N4BP2: variants seen among roughly 807,000 people sequenced by gnomAD.
N4BP2 encodes the protein NEDD4 binding protein 2.
In N4BP2, 91 loss-of-function variants were observed where a neutral mutation model predicts 152.8. The ratio of observed to expected loss-of-function variants is 0.60; its 90% CI spans 0.50 to 0.71. The LOEUF (loss-of-function observed/expected upper bound fraction) is 0.71. N4BP2 is among the 30% of genes least tolerant of loss of function. The pLI, the probability that N4BP2 is intolerant of heterozygous loss-of-function variation, is 0.00. For synonymous variants in N4BP2, 646 were observed against 705.3 expected (o/e 0.92, Z 1.33); for missense variants, 1,923 against 2,059.1 (o/e 0.93, Z 1.28).
At chr4:40,109,901 C>G (rs1038109115) in intron 5 of N4BP2, among the ~76,000 whole-genome samples, 1 of 152,094 alleles carries the variant, frequency 6.6e-6, no homozygotes, top group African/African-American at 2.4e-5. Flanking sequence ...GCTGTGCATT[C>G]GTTAATACAC....
intron 16 of N4BP2, among the ~76,000 whole-genome samples, chr4:40,147,771 A>T (rs978603558): frequency 8.7e-5 from 13 of 149,572 alleles, no homozygotes; most frequent in Middle Eastern, 3.6e-3. Context: ...CACTTCTCAG[A>T]TGGGGCGGCT....
chr4:40,101,070 G>T lies in N4BP2; in HGVS notation c.230-1005G>T, dbSNP rs577891132. Among the ~76,000 whole-genome samples, 147 of 152,260 alleles carry T rather than the reference G, an allele frequency of 9.7e-4. 1 individual carries two copies. Among genetic ancestry groups the T allele is most frequent in the African/African-American group, 3.3e-3 (138 of 41,548 alleles). ...GTTACTTTTTAATCTTCAAGTCCCAGTTCACATATCACCTTATGTGAGATC... is the reference window on the plus strand; with the variant it reads ...GTTACTTTTTAATCTTCAAGTCCCATTTCACATATCACCTTATGTGAGATC... On this transcript the variant is annotated intron_variant, in intron 3 of 17. Coordinates refer to ENST00000261435, the MANE Select transcript of N4BP2 (RefSeq NM_018177.6).
intron 4 of N4BP2, among the ~76,000 whole-genome samples, chr4:40,104,839 C>T (rs1461021473): frequency 1.3e-5 from 2 of 149,446 alleles, no homozygotes; most frequent in East Asian, 4.0e-4. Flanking sequence ...GAGTCTTGCT[C>T]TGTCGCCCAG....
Position 40,126,253 on chromosome 4 carries a change from T to C in N4BP2, c.4450T>C (p.Trp1484Arg), listed in dbSNP as rs543088698. 4 of 1,603,712 alleles carry C rather than the reference T, an allele frequency of 2.5e-6. No individual in the cohort carries two copies. The South Asian group carries it at 4.5e-5, about 18-fold the overall frequency. ...TGAAATGCTACCTTTATTGGATCATTGGAATACTCAAACTAAAAAAGTATC... is the reference window on the plus strand; with the variant it reads ...TGAAATGCTACCTTTATTGGATCATCGGAATACTCAAACTAAAAAAGTATC... Reference protein sequence around the residue: ...ASEMLPLLDHWNTQTKKVSLR... With the variant: ...ASEMLPLLDHRNTQTKKVSLR... The change falls in exon 12 of 18, where the codon TGG (tryptophan) becomes CGG (arginine). Residue 1484 changes from tryptophan (W) to arginine (R), a missense_variant. Physicochemically the swap from Trp to Arg is moderately radical, Grantham distance 101. Coordinates refer to ENST00000261435, the MANE Select transcript of N4BP2 (RefSeq NM_018177.6).
At chr4:40,130,048 T>G (rs1293671136) in intron 12 of N4BP2, among the ~76,000 whole-genome samples, 1 of 152,190 alleles carries the variant, frequency 6.6e-6, no homozygotes, top group Non-Finnish European at 1.5e-5. Flanking sequence ...TGAAATATTT[T>G]AATTTATTTT....
chr4:40,093,254 C>CT (rs1714793619), intron 2 of N4BP2, among the ~76,000 whole-genome samples: 2 of 152,214 alleles, frequency 1.3e-5, no homozygotes, highest in South Asian at 2.1e-4. Flanking sequence ...CCGGCCTACT[C>CT]TTTATTATTT....
chr4:40,147,555 C>T (rs1720679404), intron 16 of N4BP2, among the ~76,000 whole-genome samples: 1 of 150,292 alleles, frequency 6.7e-6, no homozygotes, highest in Non-Finnish European at 1.5e-5. Flanking sequence ...CCCCACCTCC[C>T]TCCCGGACAT....
chr4:40,136,383 T>TATCTATCTATC (rs1158527014), intron 13 of N4BP2, among the ~76,000 whole-genome samples: 5 of 150,260 alleles, frequency 3.3e-5, no homozygotes, highest in African/African-American at 7.3e-5. Flanking sequence ...TCTATCTATC[T>TATCTATCTATC]ATCTATCTAT....
At position 40,112,168 on chromosome 4, in the gene N4BP2, C is replaced by T. The variant is rs1474434115; in HGVS notation, c.1583C>T (p.Ala528Val). The T allele has an allele frequency of 2.8e-5, 43 of 1,540,208 alleles. No individual in the cohort carries two copies. Among genetic ancestry groups the T allele is most frequent in the Non-Finnish European group, 3.6e-5 (40 of 1,122,416 alleles). The change falls in exon 6 of 18, where the codon GCT becomes GTT. Residue 528 changes from alanine (A) to valine (V), a missense_variant. Coordinates refer to ENST00000261435, the MANE Select transcript of N4BP2 (RefSeq NM_018177.6). ...LQAWEMKPYV[A>V]LSQKHKYKVL... ...GCATGGGAAATGAAACCATATGTTG[C>T]TTTGGTTAGTACCATAAGTTGTCAT...
At chr4:40,167,814 A>G in the N4BP2 span, 10 of 152,338 alleles carry the variant, frequency 6.6e-5, no homozygotes, top group Middle Eastern at 0.01. Context: ...CGTGTTAAAT[A>G]AAGACTCTTA....
chr4:40,118,528 G>A (rs1397154590), intron 8 of N4BP2, among the ~76,000 whole-genome samples: 1 of 152,162 alleles, frequency 6.6e-6, no homozygotes, highest in African/African-American at 2.4e-5. Flanking sequence ...ATCAAGAGAA[G>A]TACAAGTTCA....
At chr4:40,136,866 T>C in intron 13 of N4BP2, 78 bp from the exon 14 acceptor site, 2 of 1,076,286 alleles carry the variant, frequency 1.9e-6, no homozygotes, top group Non-Finnish European at 2.7e-6. Context: ...GTAAGATGTT[T>C]GAAGATTGCT....
At chr4:40,186,663 C>T in the N4BP2 span, among the ~76,000 whole-genome samples, 1 of 152,198 alleles carries the variant, frequency 6.6e-6, no homozygotes, top group African/African-American at 2.4e-5. Flanking sequence ...CTGCTTTTTT[C>T]ACTTAACAGT....
At chr4:40,170,341 G>A in the N4BP2 span, among the ~76,000 whole-genome samples, 18 of 152,174 alleles carry the variant, frequency 1.2e-4, no homozygotes, top group Admixed American at 1.0e-3. Context: ...CAGGATGGCC[G>A]GGTGTGGTGG....
At chr4:40,091,602 CTTT>C (rs35142277) in intron 2 of N4BP2, among the ~76,000 whole-genome samples, 1 of 80,468 alleles carries the variant, frequency 1.2e-5, no homozygotes, top group Non-Finnish European at 2.4e-5. Flanking sequence ...GTATACAATC[CTTT>C]TTTTTTTTTT....
chr4:40,187,584 C>T, the N4BP2 span, among the ~76,000 whole-genome samples: 17 of 152,290 alleles, frequency 1.1e-4, no homozygotes, highest in East Asian at 3.1e-3. Flanking sequence ...CCTCCCAAAG[C>T]ACTAGGATTA....
chr4:40,094,395 T>G (rs908317682), intron 2 of N4BP2, among the ~76,000 whole-genome samples: 4 of 152,188 alleles, frequency 2.6e-5, no homozygotes, highest in African/African-American at 9.7e-5. Context: ...ATTTGCTGAT[T>G]TACTGTCTAG....
chr4:40,109,659 A>G (rs543209397), intron 5 of N4BP2, among the ~76,000 whole-genome samples: 535 of 152,128 alleles, frequency 3.5e-3, no homozygotes, highest in Middle Eastern at 6.8e-3. Flanking sequence ...CGGAGGTTTC[A>G]GTGAGTCAGG....
chr4:40,140,300 C>T (rs1303046728), intron 14 of N4BP2, among the ~76,000 whole-genome samples: 2 of 151,992 alleles, frequency 1.3e-5, no homozygotes, highest in African/African-American at 4.8e-5. Context: ...AACATGCTGT[C>T]ATGGATAGAT....
Sources: gnomAD v4.1 joint callset for allele counts (sites outside exome capture counted in the v4.1 genomes callset) on GRCh38, gnomAD v4.1.1 for gene constraint, MANE v1.5 for transcripts, NCBI Gene and HGNC (gene_info 2026-07-23, HGNC 2026-07-21) for gene names.